Variants in JAZF1 observed in about 807,000 individuals in gnomAD.
JAZF1 encodes the protein JAZF zinc finger 1, also known as juxtaposed with another zinc finger protein 1.
In JAZF1, 8 loss-of-function variants were observed where a neutral mutation model predicts 26.4. That is an observed-to-expected ratio of 0.30 (90% CI 0.18 to 0.55). JAZF1 has a LOEUF of 0.55. JAZF1 is among the 20% of genes least tolerant of loss of function. The probability of loss-of-function intolerance (pLI) is 0.94; values close to 1 mark genes in which losing one functional copy is unlikely to be tolerated. For missense variants in JAZF1, 199 were observed against 322.0 expected (o/e 0.62, Z 2.92); for synonymous variants, 126 against 122.3 (o/e 1.03, Z -0.20).
At chr7:28,127,988 T>C (rs1782724641) in intron 1 of JAZF1, among the ~76,000 whole-genome samples, 1 of 151,960 alleles carries the variant, frequency 6.6e-6, no homozygotes, top group African/African-American at 2.4e-5. Flanking sequence ...CAATTCAAGA[T>C]GAGATTTGGG....
At position 27,840,897 on chromosome 7, in the gene JAZF1, C is replaced by T; in HGVS notation, c.386-30G>A. On this transcript the variant is annotated intron_variant, in intron 3 of 4. Coordinates refer to ENST00000283928, the MANE Select transcript of JAZF1 (RefSeq NM_175061.4). This position sits in a 1 kb window ranked among gnomAD's most constrained non-coding sequence, Gnocchi z 5.1. Reference sequence around the variant, plus strand: ...AGGACAAGAGAAGTGCAAGGACTGTCAGGAGCGCTCATCTCCCCACAGGTT... The same window carrying T: ...AGGACAAGAGAAGTGCAAGGACTGTTAGGAGCGCTCATCTCCCCACAGGTT... 1 of 1,609,608 alleles carries T rather than the reference C, an allele frequency of 6.2e-7. No individual in the cohort carries two copies. Among genetic ancestry groups the T allele is most frequent in the Non-Finnish European group, 8.5e-7 (1 of 1,177,558 alleles).
chr7:27,916,048 G>T (rs1254039899), intron 2 of JAZF1, among the ~76,000 whole-genome samples: 2 of 152,144 alleles, frequency 1.3e-5, no homozygotes, highest in Admixed American at 6.5e-5. Context: ...GTGCACAGGG[G>T]TGGGTATGGG....
chr7:28,139,324 C>G (rs1317733200), intron 1 of JAZF1, among the ~76,000 whole-genome samples: 1 of 152,218 alleles, frequency 6.6e-6, no homozygotes, highest in Non-Finnish European at 1.5e-5. Context: ...CTGTGTCCCC[C>G]AGAGCTGATC....
intron 1 of JAZF1, among the ~76,000 whole-genome samples, chr7:28,017,944 T>C (rs1002607416): frequency 1.3e-5 from 2 of 152,170 alleles, no homozygotes; most frequent in Non-Finnish European, 2.9e-5. Context: ...TGGCTAATTT[T>C]TTGTAATTTT....
intron 1 of JAZF1, among the ~76,000 whole-genome samples, chr7:28,160,902 A>G (rs1486989709): frequency 6.6e-6 from 1 of 152,214 alleles, no homozygotes. Flanking sequence ...GTTGGAGAGA[A>G]AAGTTCTTGA....
chr7:27,986,562 C>T (rs987930501), intron 2 of JAZF1, among the ~76,000 whole-genome samples: 4 of 152,004 alleles, frequency 2.6e-5, no homozygotes, highest in Admixed American at 2.0e-4. Flanking sequence ...AGATTCAATG[C>T]CATCCTCATC....
intron 1 of JAZF1, among the ~76,000 whole-genome samples, chr7:28,056,601 A>G (rs956441949): frequency 6.6e-6 from 1 of 152,170 alleles, no homozygotes; most frequent in African/African-American, 2.4e-5. Context: ...CACAAGTGCT[A>G]AACTAGTGGA....
At chr7:27,844,669 GAATA>G (rs1443425765) in intron 3 of JAZF1, 9 of 152,152 alleles carry the variant, frequency 5.9e-5, no homozygotes, top group Non-Finnish European at 1.5e-5. Context: ...GATAAAATAA[GAATA>G]AATATCTTAA....
intron 1 of JAZF1, among the ~76,000 whole-genome samples, chr7:28,111,751 C>G (rs1784664328): frequency 6.6e-6 from 1 of 152,182 alleles, no homozygotes; most frequent in Non-Finnish European, 1.5e-5. Flanking sequence ...TATTTACCTT[C>G]AGGAGACTTC....
At chr7:27,998,981 A>G (rs1192486956) in intron 1 of JAZF1, among the ~76,000 whole-genome samples, 1 of 152,150 alleles carries the variant, frequency 6.6e-6, no homozygotes, top group Non-Finnish European at 1.5e-5. Flanking sequence ...CAAGTATAAG[A>G]TGTATAGTCC....
intron 1 of JAZF1, among the ~76,000 whole-genome samples, chr7:28,144,532 C>A (rs1782998351): frequency 6.6e-6 from 1 of 152,266 alleles, no homozygotes; most frequent in Non-Finnish European, 1.5e-5. Flanking sequence ...AGTGACACCA[C>A]TCTGTCACCA....
chr7:27,943,167 C>T (rs1231032429), intron 2 of JAZF1, among the ~76,000 whole-genome samples: 1 of 152,132 alleles, frequency 6.6e-6, no homozygotes, highest in Non-Finnish European at 1.5e-5. Flanking sequence ...TGAATTTTCC[C>T]AGAATAGAAG....
intron 4 of JAZF1, among the ~76,000 whole-genome samples, chr7:27,834,077 C>G (rs955726827): frequency 6.6e-6 from 1 of 152,168 alleles, no homozygotes; most frequent in African/African-American, 2.4e-5. Context: ...CCTGCTAGAG[C>G]CAGTCCCTTG....
At chr7:28,069,502 A>G (rs1783940924) in intron 1 of JAZF1, among the ~76,000 whole-genome samples, 1 of 152,170 alleles carries the variant, frequency 6.6e-6, no homozygotes, top group Non-Finnish European at 1.5e-5. Flanking sequence ...CCCTAGCATT[A>G]AGAAACAAAG....
chr7:27,917,994 A>C lies in JAZF1; in HGVS notation c.189-22578T>G, dbSNP rs368916412. Among the ~76,000 whole-genome samples, 86 of 152,182 alleles carry C rather than the reference A, an allele frequency of 5.7e-4. 1 individual carries two copies. The highest frequency in any genetic ancestry group is 4.0e-4 in the Non-Finnish European group (27 of 68,032). Reference sequence around the variant, plus strand: ...GCAGATGACTTGATTTAGAGAATGCACAAGCGATGATGAACTACAGTGGCA... The same window carrying C: ...GCAGATGACTTGATTTAGAGAATGCCCAAGCGATGATGAACTACAGTGGCA... On this transcript the variant is annotated intron_variant, in intron 2 of 4. Coordinates refer to ENST00000283928, the MANE Select transcript of JAZF1 (RefSeq NM_175061.4).
At chr7:27,848,994 T>G (rs1284451467) in intron 3 of JAZF1, among the ~76,000 whole-genome samples, 1 of 152,156 alleles carries the variant, frequency 6.6e-6, no homozygotes, top group Non-Finnish European at 1.5e-5. Flanking sequence ...AGCCTTTGTC[T>G]CCCCAACTGA....
At chr7:28,105,933 T>C (rs1175284011) in intron 1 of JAZF1, among the ~76,000 whole-genome samples, 2 of 152,190 alleles carry the variant, frequency 1.3e-5, no homozygotes, top group African/African-American at 4.8e-5. Context: ...GCATTTGGAC[T>C]CTCTTCCAGG....
intron 3 of JAZF1, among the ~76,000 whole-genome samples, chr7:27,872,925 C>T (rs530399071): frequency 1.3e-5 from 2 of 152,194 alleles, no homozygotes; most frequent in East Asian, 3.9e-4. Context: ...TTTTATGAAG[C>T]TATGAACCAG....
rs1395075345 is a variant in JAZF1, at chr7:27,943,951, T to C, written c.188+47958A>G. On this transcript the variant is annotated intron_variant, in intron 2 of 4. Coordinates refer to ENST00000283928, the MANE Select transcript of JAZF1 (RefSeq NM_175061.4). Reference sequence around the variant, plus strand: ...CTGTCTCCTGATTTTCATACTTTCTTTGATTCCTATGACACAAAGCAATGT... The same window carrying C: ...CTGTCTCCTGATTTTCATACTTTCTCTGATTCCTATGACACAAAGCAATGT... Among the ~76,000 whole-genome samples, 7 of 152,344 alleles carry C rather than the reference T, an allele frequency of 4.6e-5. No individual in the cohort carries two copies. In the South Asian group the frequency reaches 1.2e-3, roughly 27 times the overall value.
Sources: allele counts gnomAD v4.1 joint callset (sites outside exome capture counted in the v4.1 genomes callset), GRCh38; gene constraint gnomAD v4.1.1; non-coding constraint Gnocchi (gnomAD v3.1); transcripts MANE v1.5; gene names NCBI Gene and HGNC (gene_info 2026-07-23, HGNC 2026-07-21).